Variants in TRRAP observed in about 807,000 individuals in gnomAD.
TRRAP encodes the protein transformation/transcription domain associated protein, also known as transformation/transcription domain-associated protein.
In TRRAP, 41 loss-of-function variants were observed where a neutral mutation model predicts 438.8. That is an observed-to-expected ratio of 0.09 (90% CI 0.07 to 0.12). The LOEUF (loss-of-function observed/expected upper bound fraction) is 0.12. Among genes scored for constraint, TRRAP ranks in the 10% least tolerant of loss-of-function variants. The pLI is 1.00. For missense variants in TRRAP, 3,122 were observed against 5,055.1 expected (o/e 0.62, Z 11.60); for synonymous variants, 1,994 against 1,962.9 (o/e 1.02, Z -0.42).
At chr7:98,971,590 T>C (rs1286252050) in intron 52 of TRRAP, among the ~76,000 whole-genome samples, 1 of 152,254 alleles carries the variant, frequency 6.6e-6, no homozygotes, top group Non-Finnish European at 1.5e-5. Flanking sequence ...GTGGCTTCTT[T>C]ATAGTCATTT....
chr7:98,965,575 G>T, intron 48 of TRRAP, 121 bp from the exon 49 acceptor site: 6 of 1,330,570 alleles, frequency 4.5e-6, no homozygotes, highest in Non-Finnish European at 6.3e-6. Flanking sequence ...AGCTCTAGTT[G>T]CAGGAAAAAA....
chr7:98,949,858 GCCCTGC>G lies in TRRAP; in HGVS notation c.5135+21_5135+26del. 6.2e-7 allele frequency: 1 copy of G among 1,607,112 alleles called. No homozygotes were observed. ...CTACTGCAAGTGGGTGCCTCCTCCC[GCCCTGC>G]CCCGCGGGACTGGCTCTGTCCCAAA... On this transcript the variant is annotated intron_variant, in intron 37 of 72. Coordinates refer to ENST00000456197, the MANE Select transcript of TRRAP (RefSeq NM_001375524.1).
intron 12 of TRRAP, among the ~76,000 whole-genome samples, chr7:98,905,915 A>G (rs562826556): frequency 4.6e-5 from 7 of 152,280 alleles, no homozygotes; most frequent in African/African-American, 1.7e-4. Context: ...GGGGACACCA[A>G]GCTGATTTAT....
At chr7:98,944,666 C>T (rs1210991679) in intron 31 of TRRAP, among the ~76,000 whole-genome samples, 1 of 152,232 alleles carries the variant, frequency 6.6e-6, no homozygotes, top group African/African-American at 2.4e-5. Context: ...CTGTTCAGCT[C>T]TTGAACTCTG....
intron 51 of TRRAP, 28 bp from the exon 52 acceptor site, chr7:98,970,084 G>T: frequency 6.2e-7 from 1 of 1,611,226 alleles, no homozygotes; most frequent in Non-Finnish European, 8.5e-7. Context: ...CATGCCTTGG[G>T]TCTGTCTCCT....
chr7:98,976,160 G>A lies in TRRAP; in HGVS notation c.7851G>A (p.Leu2617=). 6.2e-7 allele frequency: 1 copy of A among 1,613,932 alleles called. No homozygotes were observed. The highest frequency in any genetic ancestry group is 8.5e-7 in the Non-Finnish European group (1 of 1,179,916). Reference sequence around the variant, plus strand: ...CTTTCTGTTCATAGACTGGAGCGCTGCTCAGCGCTTTCGTTCAGCTGTGCC... The same window carrying A: ...CTTTCTGTTCATAGACTGGAGCGCTACTCAGCGCTTTCGTTCAGCTGTGCC... ...DTLREVKTGA[L]LSAFVQLCHI... Residue 2617 remains leucine, a synonymous_variant, in exon 54 of 73, where the codon CTG becomes CTA. Coordinates refer to ENST00000456197, the MANE Select transcript of TRRAP (RefSeq NM_001375524.1). This position sits in a 1 kb window ranked among gnomAD's most constrained non-coding sequence, Gnocchi z 4.6.
At chr7:98,934,286 C>G (rs571605495) in intron 27 of TRRAP, among the ~76,000 whole-genome samples, 1 of 152,292 alleles carries the variant, frequency 6.6e-6, no homozygotes, top group South Asian at 2.1e-4. Flanking sequence ...AAAGCAAATT[C>G]TTCCAGGTCC....
chr7:98,898,306 G>A (rs1796315803), intron 8 of TRRAP, among the ~76,000 whole-genome samples: 1 of 152,198 alleles, frequency 6.6e-6, no homozygotes, highest in African/African-American at 2.4e-5. Context: ...CCTGCGTTCT[G>A]ACCTTATTTT....
chr7:98,949,559 A>G lies in TRRAP; in HGVS notation c.4931A>G (p.Asp1644Gly). ...GSPSTSTMRL[D>G]LQFQAIKIIS... ...CCCAGCACCAGCACCATGCGCCTGGACCTCCAGTTCCAGGCCATCAAGGTA... is the reference window on the plus strand; with the variant it reads ...CCCAGCACCAGCACCATGCGCCTGGGCCTCCAGTTCCAGGCCATCAAGGTA... The change falls in exon 36 of 73, where the codon GAC becomes GGC. Residue 1644 changes from aspartate to glycine, a missense_variant. By Grantham distance (94) the Asp-to-Gly change is moderately conservative (BLOSUM62 -1). Around this residue, in one of 24 missense-constraint regions of TRRAP, gnomAD observed 272 missense variants for 348.5 expected, o/e 0.78. Transcript: ENST00000456197. The G allele has an allele frequency of 6.3e-7, 1 of 1,586,572 alleles. No individual in the cohort carries two copies. The highest frequency in any genetic ancestry group is 8.6e-7 in the Non-Finnish European group (1 of 1,166,746).
Position 98,926,814 on chromosome 7 carries a change from G to A in TRRAP, c.2976-353G>A, listed in dbSNP as rs1354773348. Among the ~76,000 whole-genome samples the A allele has an allele frequency of 2.6e-5, 4 of 151,982 alleles. No individual in the cohort carries two copies. In the South Asian group the frequency reaches 6.3e-4, roughly 24 times the overall value. On this transcript the variant is annotated intron_variant, in intron 22 of 72. Transcript: ENST00000456197. ...CTGAGGTCAGGAGTTCAAGACCATC[G>A]AGACCAGCCTGGCCAATATGGTGAA...
intron 49 of TRRAP, among the ~76,000 whole-genome samples, chr7:98,966,782 A>G (rs935208815): frequency 6.6e-6 from 1 of 152,218 alleles, no homozygotes; most frequent in Non-Finnish European, 1.5e-5. Flanking sequence ...AATAGAGACT[A>G]TCATTTCACT....
At position 98,993,752 on chromosome 7, in the gene TRRAP, T is replaced by A; in HGVS notation, c.10047+15T>A. 6.2e-7 allele frequency: 1 copy of A among 1,613,868 alleles called. No homozygotes were observed. Among genetic ancestry groups the A allele is most frequent in the South Asian group, 1.1e-5 (1 of 91,064 alleles). ...GGCATGAAGAGGTATTTGGCTCTGA[T>A]CTTGCACATGGTGGCTCCTTGTAGA... On this transcript the variant is annotated intron_variant, in intron 66 of 72. Coordinates refer to ENST00000456197, the MANE Select transcript of TRRAP (RefSeq NM_001375524.1).
intron 35 of TRRAP, among the ~76,000 whole-genome samples, chr7:98,949,104 A>C (rs1268696664): frequency 6.6e-6 from 1 of 152,098 alleles, no homozygotes; most frequent in African/African-American, 2.4e-5. Context: ...ACGGTGGCAC[A>C]TGCCTGTAGT....
At chr7:98,893,281 G>A (rs782794747) in intron 5 of TRRAP, among the ~76,000 whole-genome samples, 1 of 152,108 alleles carries the variant, frequency 6.6e-6, no homozygotes, top group Non-Finnish European at 1.5e-5. Flanking sequence ...GATTTCAGTC[G>A]TGTTTCTGGG....
rs1374290450 is a variant in TRRAP at position 98,990,562 on chromosome 7, G to A, written c.9699G>A (p.Gln3233=). 6.2e-7 allele frequency: 1 copy of A among 1,614,038 alleles called. No homozygotes were observed. Among genetic ancestry groups the A allele is most frequent in the Non-Finnish European group, 8.5e-7 (1 of 1,179,962 alleles). Residue 3233 remains glutamine, a synonymous_variant, in exon 64 of 73, where the codon CAG becomes CAA. Transcript: ENST00000456197. ...PPIQWLAWIP[Q]LLTCLVGSEG... is the part of the protein sequence containing the mutation. ...TCCAGTGGCTGGCCTGGATCCCACA[G>A]CTGCTCACCTGCCTGGTTGGCTCGG... is the stretch of plus-strand genomic sequence containing the variant.
intron 10 of TRRAP, 146 bp downstream of exon 10, chr7:98,899,913 C>T: frequency 1.3e-6 from 1 of 775,476 alleles, no homozygotes; most frequent in Non-Finnish European, 2.1e-6. Context: ...ACCTGTGTTT[C>T]AGGGATGACA....
At chr7:98,999,100 T>C in intron 67 of TRRAP, 7 of 1,409,206 alleles carry the variant, frequency 5.0e-6, no homozygotes, top group Non-Finnish European at 3.9e-6. Context: ...CTCTTTGACC[T>C]GGCCAGGAGT....
In TRRAP at chr7:98,933,297, C is replaced by G; in HGVS notation, c.3909C>G (p.Asn1303Lys). The change falls in exon 27 of 73, where the codon AAC becomes AAG. Residue 1303 changes from asparagine to lysine, a missense_variant. Around this residue, in one of 24 missense-constraint regions of TRRAP, gnomAD observed 84 missense variants for 119.8 expected, o/e 0.70. Transcript: ENST00000456197. ...ACCTGCTCCGACACCAGCCTGCCAA[C>G]GCACAGATTGGCCTGATGGAGGGGA... Reference protein sequence around the residue: ...KKHLLRHQPANAQIGLMEGNT... With the variant: ...KKHLLRHQPAKAQIGLMEGNT... 6.2e-7 allele frequency: 1 copy of G among 1,614,162 alleles called. No individual in the cohort carries two copies. Among genetic ancestry groups the G allele is most frequent in the Non-Finnish European group, 8.5e-7 (1 of 1,180,032 alleles).
Position 98,970,201 on chromosome 7 carries a change from G to C in TRRAP, c.7602G>C (p.Leu2534=). ...CGTCCATCACCAACGTCATCAACCTGGCCGATAGCCACGACCGTGCCGCCT... is the reference window on the plus strand; with the variant it reads ...CGTCCATCACCAACGTCATCAACCTCGCCGATAGCCACGACCGTGCCGCCT... ...MLPSITNVIN[L]ADSHDRAAFA... Residue 2534 remains leucine, a synonymous_variant, in exon 52 of 73, where the codon CTG becomes CTC. Transcript: ENST00000456197. 6.2e-7 allele frequency: 1 copy of C among 1,613,862 alleles called. No homozygotes were observed. Among genetic ancestry groups the C allele is most frequent in the Non-Finnish European group, 8.5e-7 (1 of 1,180,032 alleles).
Sources: gnomAD v4.1 joint callset for allele counts (sites outside exome capture counted in the v4.1 genomes callset) on GRCh38, gnomAD v4.1.1 for gene constraint, gnomAD v4.1.1 regional missense constraint, Gnocchi (gnomAD v3.1) non-coding constraint, MANE v1.5 for transcripts, NCBI Gene and HGNC (gene_info 2026-07-23, HGNC 2026-07-21) for gene names.